Variants in OSBPL9 observed in about 807,000 individuals in gnomAD.
OSBPL9 encodes the protein oxysterol binding protein like 9.
OSBPL9 carries 40 observed loss-of-function variants against 106.6 expected under a neutral mutation model. The observed-to-expected ratio is 0.38, with a 90% CI of 0.29 to 0.49. OSBPL9 has a LOEUF of 0.49. Ranked by LOEUF, OSBPL9 falls within the 20% of genes least tolerant of loss-of-function variation. The pLI, the probability that OSBPL9 is intolerant of heterozygous loss-of-function variation, is 0.97. For synonymous variants in OSBPL9, 269 were observed against 295.4 expected (o/e 0.91, Z 0.92); for missense variants, 609 against 887.2 (o/e 0.69, Z 3.98).
At chr1:51,775,323 C>T (rs1227364336) in intron 14 of OSBPL9, among the ~76,000 whole-genome samples, 1 of 152,062 alleles carries the variant, frequency 6.6e-6, no homozygotes, top group Non-Finnish European at 1.5e-5. Flanking sequence ...CACCCCTCTT[C>T]CTATCCTTTC....
chr1:51,530,176 A>AAAAAAAAAAAAAAAC, the OSBPL9 span, among the ~76,000 whole-genome samples: 1 of 107,706 alleles, frequency 9.3e-6, no homozygotes. Context: ...GTCTCAAAAA[A>AAAAAAAAAAAAAAAC]AAAAAAAAAA....
chr1:51,606,196 G>C (rs933178724), intron 2 of OSBPL9, among the ~76,000 whole-genome samples: 1 of 152,174 alleles, frequency 6.6e-6, no homozygotes, highest in Non-Finnish European at 1.5e-5. Context: ...GAAAGGAAAG[G>C]CTGTGTGATT....
intron 1 of OSBPL9, among the ~76,000 whole-genome samples, chr1:51,620,741 AACC>A (rs1644376325): frequency 6.6e-6 from 1 of 152,326 alleles, no homozygotes; most frequent in Admixed American, 6.5e-5. Flanking sequence ...TTTCTTGGCA[AACC>A]ATGTTAAGGA....
intron 4 of OSBPL9, among the ~76,000 whole-genome samples, chr1:51,722,162 A>AATAAATAG (rs10633295): frequency 7.5e-5 from 11 of 146,958 alleles, no homozygotes; most frequent in East Asian, 4.0e-4. Context: ...CTCTAAAATA[A>AATAAATAG]ATAGATAGAT....
chr1:51,670,722 T>C (rs901861158), intron 3 of OSBPL9, among the ~76,000 whole-genome samples: 1 of 152,230 alleles, frequency 6.6e-6, no homozygotes, highest in Non-Finnish European at 1.5e-5. Context: ...GTCCTGAAAT[T>C]TTCTACTATA....
At chr1:51,699,527 G>A (rs1656791507) in intron 3 of OSBPL9, among the ~76,000 whole-genome samples, 1 of 152,022 alleles carries the variant, frequency 6.6e-6, no homozygotes, top group Non-Finnish European at 1.5e-5. Context: ...TGCTCAAATT[G>A]TCCTCAATTT....
intron 3 of OSBPL9, among the ~76,000 whole-genome samples, chr1:51,681,927 C>T (rs968774920): frequency 1.3e-5 from 2 of 152,094 alleles, no homozygotes; most frequent in Admixed American, 6.6e-5. Context: ...TTTGGCTGGG[C>T]GTGGTGACTC....
In OSBPL9 at chr1:51,788,060, C is replaced by CACAT. The variant is rs1678122348; in HGVS notation, c.*271_*272insACAT. 2.3e-6 allele frequency: 1 copy of CACAT among 443,056 alleles called. No individual in the cohort carries two copies. The highest frequency in any genetic ancestry group is 4.1e-6 in the Non-Finnish European group (1 of 244,738). 27.4% of individuals were successfully genotyped at this position (443,056 alleles called of 1,614,324 possible). ...GTCTTCTCCTTTTCCAAACACCACA[C>CACAT]GTTGAAAGCATTTATAAATCCAAGT... On this transcript the variant is annotated 3_prime_UTR_variant, in exon 24 of 24. Coordinates refer to ENST00000428468, the MANE Select transcript of OSBPL9 (RefSeq NM_024586.6).
rs1408033673 is a variant in OSBPL9, at chr1:51,765,989, G to C, written c.938+8G>C. ...CCCAAAGCGCTTAATAGAGTGAGTA[G>C]ATGAACAGAATATGTATTTAAATGA... On this transcript the variant is annotated splice_region_variant and intron_variant, in intron 12 of 23. Coordinates refer to ENST00000428468, the MANE Select transcript of OSBPL9 (RefSeq NM_024586.6). 4.4e-6 allele frequency: 7 copies of C among 1,594,850 alleles called. No individual in the cohort carries two copies. In the African/African-American group the frequency reaches 9.5e-5, roughly 22 times the overall value.
the OSBPL9 span, among the ~76,000 whole-genome samples, chr1:51,547,804 T>C: frequency 1.7e-4 from 26 of 152,048 alleles, no homozygotes; most frequent in East Asian, 2.7e-3. Context: ...GGAGCCAAGA[T>C]TGCACTACTA....
chr1:51,602,424 T>TG (rs1645329328), intron 2 of OSBPL9, among the ~76,000 whole-genome samples: 1 of 146,982 alleles, frequency 6.8e-6, no homozygotes, highest in Non-Finnish European at 1.5e-5. Flanking sequence ...TTTTAATTTT[T>TG]TTTTTTTTTT....
chr1:51,708,187 G>A (rs557626864), intron 3 of OSBPL9: 6 of 158,456 alleles, frequency 3.8e-5, no homozygotes, highest in South Asian at 1.8e-4. Flanking sequence ...GAGAAGGGGC[G>A]GCTGTCTGTC....
At chr1:51,760,524 C>G (rs1018430797) in intron 9 of OSBPL9, 166 bp from the exon 10 acceptor site, 2 of 943,494 alleles carry the variant, frequency 2.1e-6, no homozygotes, top group South Asian at 3.8e-5. Flanking sequence ...TTAAGCAACT[C>G]TTACACTTCT....
intron 14 of OSBPL9, among the ~76,000 whole-genome samples, chr1:51,776,067 C>G (rs1170689210): frequency 6.6e-6 from 1 of 152,220 alleles, no homozygotes; most frequent in African/African-American, 2.4e-5. Flanking sequence ...TTCCCATTCT[C>G]TAATGAAATT....
intron 1 of OSBPL9, among the ~76,000 whole-genome samples, chr1:51,580,421 T>C (rs2148598630): frequency 6.6e-6 from 1 of 152,334 alleles, no homozygotes; most frequent in South Asian, 2.1e-4. Flanking sequence ...ATAATGTAAC[T>C]ATTGCTGCTG....
intron 3 of OSBPL9, among the ~76,000 whole-genome samples, chr1:51,680,326 G>GATCCTTTCCCC (rs1652251555): frequency 6.6e-6 from 1 of 151,940 alleles, no homozygotes; most frequent in Middle Eastern, 3.2e-3. Flanking sequence ...ATTATGTCAT[G>GATCCTTTCCCC]ATCCTTTCCC....
At chr1:51,530,867 G>A in the OSBPL9 span, among the ~76,000 whole-genome samples, 1 of 151,518 alleles carries the variant, frequency 6.6e-6, no homozygotes, top group Non-Finnish European at 1.5e-5. Context: ...CCAGCTACTC[G>A]GGAGGCTGAG....
chr1:51,535,167 G>A, the OSBPL9 span, among the ~76,000 whole-genome samples: 3 of 152,300 alleles, frequency 2.0e-5, no homozygotes, highest in East Asian at 1.9e-4. Context: ...ACCAAATTGC[G>A]TGCAGCATCA....
At chr1:51,639,816 GTTTTTTTTTTT>G (rs758174157) in intron 1 of OSBPL9, among the ~76,000 whole-genome samples, 12 of 67,048 alleles carry the variant, frequency 1.8e-4, no homozygotes, top group African/African-American at 2.6e-4. Flanking sequence ...ATTCCTAGTT[GTTTTTTTTTTT>G]TTTTTTTTTT....
Sources: allele counts gnomAD v4.1 joint callset (sites outside exome capture counted in the v4.1 genomes callset), GRCh38; gene constraint gnomAD v4.1.1; transcripts MANE v1.5; gene names NCBI Gene and HGNC (gene_info 2026-07-23, HGNC 2026-07-21).